The following ATP6V0A1 variants were observed in gnomAD, a reference collection of about 807,000 sequenced individuals.
ATP6V0A1 encodes V-type proton ATPase 116 kDa subunit a 1.
A neutral mutation model predicts 105.4 loss-of-function variants in ATP6V0A1; 43 were observed. The observed-to-expected ratio is 0.41, with a 90% CI of 0.32 to 0.53. ATP6V0A1 has a LOEUF of 0.53. Ranked by LOEUF, ATP6V0A1 falls within the 20% of genes least tolerant of loss-of-function variation. The pLI is 0.30. For missense variants in ATP6V0A1, 676 were observed against 1,051.1 expected (o/e 0.64, Z 4.93); for synonymous variants, 362 against 372.8 (o/e 0.97, Z 0.33).
intron 2 of ATP6V0A1, among the ~76,000 whole-genome samples, chr17:42,463,584 A>G (rs1276849613): frequency 5.3e-5 from 8 of 152,104 alleles, no homozygotes; most frequent in African/African-American, 1.9e-4. Context: ...TTCTTTTGTC[A>G]TTACTCTTTT....
chr17:42,485,983 C>T (rs2090069661), intron 9 of ATP6V0A1, among the ~76,000 whole-genome samples: 1 of 152,202 alleles, frequency 6.6e-6, no homozygotes, highest in Admixed American at 6.5e-5. Flanking sequence ...CTGCCCAAGA[C>T]AATTTTTCAG....
intron 15 of ATP6V0A1, among the ~76,000 whole-genome samples, chr17:42,500,074 CAAAA>C (rs199733869): frequency 4.9e-5 from 3 of 61,058 alleles, no homozygotes; most frequent in African/African-American, 5.4e-5. Flanking sequence ...CCCATCTCTA[CAAAA>C]AAAAAAAAAA....
intron 2 of ATP6V0A1, among the ~76,000 whole-genome samples, chr17:42,464,699 G>A (rs1266161937): frequency 6.6e-6 from 1 of 152,028 alleles, no homozygotes; most frequent in Non-Finnish European, 1.5e-5. Context: ...CACCGTGCCC[G>A]GCCAATGTGC....
rs1194573478 is a variant in ATP6V0A1 at position 42,514,286 on chromosome 17, C to T, written c.2249-3C>T. On this transcript the variant is annotated splice_polypyrimidine_tract_variant and splice_region_variant and intron_variant, in intron 20 of 21. Coordinates refer to ENST00000343619, the MANE Select transcript of ATP6V0A1 (RefSeq NM_001130021.3). Reference sequence around the variant, plus strand: ...ACTGGATTTTGTGTCTCCCATTCCCCAGAGCTGTCTGAGGTGCTTTGGACC... The same window carrying T: ...ACTGGATTTTGTGTCTCCCATTCCCTAGAGCTGTCTGAGGTGCTTTGGACC... 6.3e-7 allele frequency: 1 copy of T among 1,580,780 alleles called. No homozygotes were observed. The highest frequency in any genetic ancestry group is 8.6e-7 in the Non-Finnish European group (1 of 1,163,658).
intron 9 of ATP6V0A1, among the ~76,000 whole-genome samples, chr17:42,484,027 A>G (rs890383815): frequency 6.7e-6 from 1 of 149,982 alleles, no homozygotes; most frequent in African/African-American, 2.5e-5. Flanking sequence ...CAAGTCTGAG[A>G]TAGTTTTTTT....
intron 17 of ATP6V0A1, among the ~76,000 whole-genome samples, chr17:42,501,839 G>A (rs552917136): frequency 6.6e-6 from 1 of 151,884 alleles, no homozygotes; most frequent in East Asian, 2.0e-4. Context: ...TTTGAGACCA[G>A]CCTGGCCAAC....
chr17:42,487,399 G>A, intron 10 of ATP6V0A1, 32 bp downstream of exon 10: 2 of 1,604,966 alleles, frequency 1.2e-6, no homozygotes, highest in African/African-American at 2.7e-5. Flanking sequence ...TGCAGCTCGT[G>A]GCCCGGAAGA....
At chr17:42,500,605 T>C (rs1316523388) in intron 15 of ATP6V0A1, 102 bp from the exon 16 acceptor site, 4 of 893,378 alleles carry the variant, frequency 4.5e-6, no homozygotes, top group East Asian at 4.8e-5. Flanking sequence ...AAAGACAGAA[T>C]TGAGGGGGTA....
At chr17:42,478,671 T>C (rs1019920613) in intron 7 of ATP6V0A1, 82 bp downstream of exon 7, 1 of 1,366,588 alleles carries the variant, frequency 7.3e-7, no homozygotes, top group Non-Finnish European at 9.7e-7. Flanking sequence ...GCCACCTGAA[T>C]CCAGTGCTTC....
In ATP6V0A1 at chr17:42,521,177, C is replaced by G; in HGVS notation, c.*57C>G. ...CCTCCCCGCCTCCCTCCACAGTGATCAGCTGTGCCTCTCTGCCTGTTGGTT... is the reference window on the plus strand; with the variant it reads ...CCTCCCCGCCTCCCTCCACAGTGATGAGCTGTGCCTCTCTGCCTGTTGGTT... On this transcript the variant is annotated 3_prime_UTR_variant, in exon 22 of 22. Coordinates refer to ENST00000343619, the MANE Select transcript of ATP6V0A1 (RefSeq NM_001130021.3). This position sits in a 1 kb window ranked among gnomAD's most constrained non-coding sequence, Gnocchi z 4.8. The G allele has an allele frequency of 7.0e-7, 1 of 1,422,032 alleles. No individual in the cohort carries two copies. The highest frequency in any genetic ancestry group is 9.6e-7 in the Non-Finnish European group (1 of 1,038,540). 88.1% of individuals were successfully genotyped at this position (1,422,032 alleles called of 1,614,324 possible). A position where few individuals can be genotyped will look rare whatever the true frequency, so the allele number is the denominator to read the frequency against.
intron 21 of ATP6V0A1, among the ~76,000 whole-genome samples, chr17:42,517,100 T>C (rs764747793): frequency 1.1e-4 from 16 of 151,988 alleles, no homozygotes; most frequent in Admixed American, 1.3e-4. Context: ...GACAACATGG[T>C]GAAACCCCAT....
intron 7 of ATP6V0A1, chr17:42,480,429 A>T: frequency 7.8e-6 from 3 of 386,234 alleles, no homozygotes; most frequent in Middle Eastern, 7.4e-4. Context: ...CTTAGCTTCA[A>T]GCTCCTGGTT....
At position 42,499,027 on chromosome 17, in the gene ATP6V0A1, G is replaced by A. The variant is rs1181216395; in HGVS notation, c.1664G>A (p.Ser555Asn). 1.2e-6 allele frequency: 2 copies of A among 1,606,526 alleles called. No individual in the cohort carries two copies. Among genetic ancestry groups the A allele is most frequent in the Admixed American group, 3.3e-5 (2 of 59,972 alleles). ...CATATGCTGTTTGGAGTCAGCCTGA[G>A]TCTGTTCAACCATATGTGAGTTGTT... ...IIHMLFGVSL[S>N]LFNHIYFKKP... Residue 555 changes from serine to asparagine, a missense_variant, in exon 15 of 22, where the codon AGT becomes AAT. Physicochemically the swap from Ser to Asn is conservative, Grantham distance 46. Around this residue, in one of 3 missense-constraint regions of ATP6V0A1, gnomAD observed 435 missense variants for 642.2 expected, o/e 0.68. Transcript: ENST00000343619.
chr17:42,470,122 G>A lies in ATP6V0A1; in HGVS notation c.327G>A (p.Lys109=), dbSNP rs369040104. Residue 109 remains lysine, a synonymous_variant, in exon 5 of 22, where the codon AAG becomes AAA. Transcript: ENST00000343619. Reference sequence around the variant, plus strand: ...TTGAGAAGATTGAAAATGAACTGAAGGAAATCAACACAAACCAGGAAGCTC... The same window carrying A: ...TTGAGAAGATTGAAAATGAACTGAAAGAAATCAACACAAACCAGGAAGCTC... The part of the protein sequence containing the change: ...ANFEKIENEL[K]EINTNQEALK... The A allele has an allele frequency of 1.9e-6, 3 of 1,609,244 alleles. No individual in the cohort carries two copies. Among genetic ancestry groups the A allele is most frequent in the African/African-American group, 2.7e-5 (2 of 74,742 alleles).
At position 42,514,341 on chromosome 17, in the gene ATP6V0A1, G is replaced by C. The variant is rs755951354; in HGVS notation, c.2301G>C (p.Lys767Asn). ...TMVIHIGLSV[K>N]SLAGGLVLFF... ...TGATCCACATCGGCCTGAGCGTGAA[G>C]AGCTTGGCGGGAGGTTTGGTGCTGT... The change falls in exon 21 of 22, where the codon AAG becomes AAC. Residue 767 changes from lysine to asparagine, a missense_variant. Around this residue, in one of 3 missense-constraint regions of ATP6V0A1, gnomAD observed 435 missense variants for 642.2 expected, o/e 0.68. Coordinates refer to ENST00000343619, the MANE Select transcript of ATP6V0A1 (RefSeq NM_001130021.3). 3 of 1,613,270 alleles carry C rather than the reference G, an allele frequency of 1.9e-6. No individual in the cohort carries two copies. Among genetic ancestry groups the C allele is most frequent in the Non-Finnish European group, 2.5e-6 (3 of 1,179,600 alleles).
chr17:42,507,455 T>TCCCACCTCACAGAATGTCATGTTAAAG, intron 17 of ATP6V0A1, 65 bp from the exon 18 acceptor site: 1 of 1,195,040 alleles, frequency 8.4e-7, no homozygotes. Flanking sequence ...CCATCGCCCT[T>TCCCACCTCACAGAATGTCATGTTAAAG]CCCACCTCAC....
At position 42,513,978 on chromosome 17, in the gene ATP6V0A1, C is replaced by T. The variant is rs2146300229; in HGVS notation, c.2248C>T (p.Gln750Ter). 1.2e-6 allele frequency: 2 copies of T among 1,612,808 alleles called. No individual in the cohort carries two copies. The highest frequency in any genetic ancestry group is 1.1e-5 in the South Asian group (1 of 91,050). Residue 750 changes from glutamine to a stop codon, truncating the protein, a stop_gained and splice_region_variant, in exon 20 of 22, where the codon CAG becomes TAG. Coordinates refer to ENST00000343619, the MANE Select transcript of ATP6V0A1 (RefSeq NM_001130021.3). LOFTEE classifies it high-confidence loss of function. ...CTGGGCCCTCAGCCTCGCTCATGCG[C>T]GTGAGTACCTCTCTCCGGGCTCCGG... ...RLWALSLAHAQLSEVLWTMVI... is the reference protein window; with the variant it reads ...RLWALSLAHA
intron 11 of ATP6V0A1, among the ~76,000 whole-genome samples, chr17:42,493,715 G>A (rs2090888270): frequency 6.6e-6 from 1 of 152,164 alleles, no homozygotes; most frequent in Non-Finnish European, 1.5e-5. Flanking sequence ...TTGGGAGGCT[G>A]AGGTGGGAGG....
In ATP6V0A1 at chr17:42,487,337, C is replaced by T; in HGVS notation, c.993C>T (p.Asp331=). ...TCTGGTGCCCTGTCACCGACCTTGACTCCATCCAGTTTGCACTCAGAAGGG... is the reference window on the plus strand; with the variant it reads ...TCTGGTGCCCTGTCACCGACCTTGATTCCATCCAGTTTGCACTCAGAAGGG... ...AEVWCPVTDL[D]SIQFALRRGT... Residue 331 remains aspartate (D), a synonymous_variant, in exon 10 of 22, where the codon GAC becomes GAT. Transcript: ENST00000343619. The T allele has an allele frequency of 2.5e-6, 4 of 1,614,062 alleles. No homozygotes were observed. Among genetic ancestry groups the T allele is most frequent in the Non-Finnish European group, 3.4e-6 (4 of 1,180,032 alleles).
Sources: gnomAD v4.1 joint callset for allele counts (sites outside exome capture counted in the v4.1 genomes callset) on GRCh38, gnomAD v4.1.1 for gene constraint, gnomAD v4.1.1 regional missense constraint, Gnocchi (gnomAD v3.1) non-coding constraint, MANE v1.5 for transcripts, NCBI Gene and HGNC (gene_info 2026-07-23, HGNC 2026-07-21) for gene names.